Variants in ZMIZ1 observed in about 807,000 individuals in gnomAD.
ZMIZ1 encodes zinc finger MIZ-type containing 1, also known as zinc finger MIZ domain-containing protein 1.
ZMIZ1 carries 17 observed loss-of-function variants against 113.9 expected under a neutral mutation model. The observed-to-expected ratio is 0.15, with a 90% CI of 0.10 to 0.22. The LOEUF is 0.22. ZMIZ1 is among the 10% of genes least tolerant of loss of function. The probability of loss-of-function intolerance (pLI) is 1.00; values close to 1 mark genes in which losing one functional copy is unlikely to be tolerated. For synonymous variants in ZMIZ1, 607 were observed against 603.1 expected (o/e 1.01, Z -0.09); for missense variants, 1,059 against 1,477.8 (o/e 0.72, Z 4.65).
chr10:79,296,106 G>A lies in ZMIZ1; in HGVS notation c.1231-365G>A, dbSNP rs1288823880. 3.6e-6 allele frequency: 1 copy of A among 276,050 alleles called. No individual in the cohort carries two copies. Among genetic ancestry groups the A allele is most frequent in the Non-Finnish European group, 7.0e-6 (1 of 143,828 alleles). 17.1% of individuals were successfully genotyped at this position (276,050 alleles called of 1,614,324 possible). ...TGACTGTGTTCCTCTGTCACATTGGGGTACACATTGGGGAGCACAGCCCTA... is the reference window on the plus strand; with the variant it reads ...TGACTGTGTTCCTCTGTCACATTGGAGTACACATTGGGGAGCACAGCCCTA... On this transcript the variant is annotated intron_variant, in intron 12 of 24. Coordinates refer to ENST00000334512, the MANE Select transcript of ZMIZ1 (RefSeq NM_020338.4). The surrounding 1 kb of genome is among the most constrained non-coding windows in gnomAD (Gnocchi z 4.1).
rs1855416935 is a variant in ZMIZ1, at chr10:79,314,585, A to G, written c.*1836A>G. 8.1e-6 allele frequency: 2 copies of G among 246,510 alleles called. No homozygotes were observed. The highest frequency in any genetic ancestry group is 1.6e-5 in the Non-Finnish European group (2 of 123,392). 15.3% of individuals were successfully genotyped at this position (246,510 alleles called of 1,614,324 possible). A position where few individuals can be genotyped will look rare whatever the true frequency, so the allele number is the denominator to read the frequency against. ...TAAATATCTTTGTGAATATTTTAGT[A>G]TCGTCTTTGATAATATTCAACATTT... On this transcript the variant is annotated 3_prime_UTR_variant, in exon 25 of 25. Coordinates refer to ENST00000334512, the MANE Select transcript of ZMIZ1 (RefSeq NM_020338.4).
At chr10:79,193,886 G>A (rs984257721) in intron 4 of ZMIZ1, among the ~76,000 whole-genome samples, 5 of 152,190 alleles carry the variant, frequency 3.3e-5, no homozygotes, top group African/African-American at 9.7e-5. Context: ...GAGTAGTGAG[G>A]GCTAGGGGCC....
At chr10:79,254,464 C>T (rs1483263378) in intron 7 of ZMIZ1, among the ~76,000 whole-genome samples, 1 of 152,256 alleles carries the variant, frequency 6.6e-6, no homozygotes, top group Non-Finnish European at 1.5e-5. Context: ...TTGGCCCAGG[C>T]AGGGTCCCAT....
Position 79,118,397 on chromosome 10 carries a change from G to T in ZMIZ1, c.-336-518G>T, listed in dbSNP as rs1455466193. 6.6e-6 allele frequency among the ~76,000 whole-genome samples: 1 copy of T among 152,202 alleles called. No individual in the cohort carries two copies. Among genetic ancestry groups the T allele is most frequent in the African/African-American group, 2.4e-5 (1 of 41,446 alleles). On this transcript the variant is annotated intron_variant, in intron 1 of 24. Coordinates refer to ENST00000334512, the MANE Select transcript of ZMIZ1 (RefSeq NM_020338.4). The surrounding 1 kb of genome is among the most constrained non-coding windows in gnomAD (Gnocchi z 4.1). ...CCAATGTCCAGGAGCTGGGCCTGGA[G>T]CGGGAGAGTGTCCTGTGGGAAGCGG...
intron 8 of ZMIZ1, chr10:79,285,579 G>C (rs1167658373): frequency 1.1e-5 from 5 of 455,988 alleles, no homozygotes; most frequent in Non-Finnish European, 1.8e-5. Flanking sequence ...TCGGTCATCA[G>C]GCTTAACGAA....
Position 79,296,757 on chromosome 10 carries a change from A to G in ZMIZ1, c.1413+104A>G. On this transcript the variant is annotated intron_variant, in intron 13 of 24. Transcript: ENST00000334512. The surrounding 1 kb of genome is among the most constrained non-coding windows in gnomAD (Gnocchi z 4.1). ...TCTGACCCTGCGTGTGTTTGCCCCA[A>G]GGACAGCGAGGGGTGGGTGATTTCT... 1 of 1,175,534 alleles carries G rather than the reference A, an allele frequency of 8.5e-7. No individual in the cohort carries two copies. The highest frequency in any genetic ancestry group is 1.2e-6 in the Non-Finnish European group (1 of 858,914). 72.8% of individuals were successfully genotyped at this position (1,175,534 alleles called of 1,614,324 possible).
At chr10:79,120,809 T>C (rs1446367256) in intron 2 of ZMIZ1, among the ~76,000 whole-genome samples, 1 of 152,176 alleles carries the variant, frequency 6.6e-6, no homozygotes, top group Non-Finnish European at 1.5e-5. Context: ...CCCTGGGGCC[T>C]GGGTACTCTC....
chr10:79,092,050 C>T (rs1008892692), intron 1 of ZMIZ1, among the ~76,000 whole-genome samples: 3 of 152,104 alleles, frequency 2.0e-5, no homozygotes, highest in Non-Finnish European at 2.9e-5. Flanking sequence ...TTCCCACCAG[C>T]CCCGCTCCAT....
chr10:79,307,286 A>T, intron 22 of ZMIZ1, 119 bp from the exon 23 acceptor site: 1 of 1,033,330 alleles, frequency 9.7e-7, no homozygotes, highest in Non-Finnish European at 1.4e-6. Flanking sequence ...GCTGTGACCT[A>T]CTACAGCCTC....
intron 3 of ZMIZ1, among the ~76,000 whole-genome samples, chr10:79,147,847 C>G (rs1845555182): frequency 6.6e-6 from 1 of 152,270 alleles, no homozygotes; most frequent in African/African-American, 2.4e-5. Flanking sequence ...CCTGGGCTTC[C>G]AAAGCAAATG....
Position 79,315,887 on chromosome 10 carries a change from G to A in ZMIZ1, c.*3138G>A, listed in dbSNP as rs923339077. 4 of 152,286 alleles carry A rather than the reference G, an allele frequency of 2.6e-5. No homozygotes were observed. The highest frequency in any genetic ancestry group is 4.1e-4 in the South Asian group (2 of 4,822). 9.4% of individuals were successfully genotyped at this position (152,286 alleles called of 1,614,324 possible). A position where few individuals can be genotyped will look rare whatever the true frequency, so the allele number is the denominator to read the frequency against. On this transcript the variant is annotated 3_prime_UTR_variant, in exon 25 of 25. Coordinates refer to ENST00000334512, the MANE Select transcript of ZMIZ1 (RefSeq NM_020338.4). ...AAAAAAAAGCTTGGAACTCCATCACGTGGAAAAACTAGATCCTGTTGGTTA... is the reference window on the plus strand; with the variant it reads ...AAAAAAAAGCTTGGAACTCCATCACATGGAAAAACTAGATCCTGTTGGTTA...
intron 3 of ZMIZ1, among the ~76,000 whole-genome samples, chr10:79,159,684 G>A (rs1220093393): frequency 6.6e-6 from 1 of 152,196 alleles, no homozygotes; most frequent in East Asian, 1.9e-4. Context: ...TCCACAATAT[G>A]GACTCAATAC....
At chr10:79,132,970 TGGCCCCCTCGCA>T (rs1395212687) in intron 2 of ZMIZ1, among the ~76,000 whole-genome samples, 1 of 152,026 alleles carries the variant, frequency 6.6e-6, no homozygotes, top group East Asian at 1.9e-4. Context: ...CCTGTCGACC[TGGCCCCCTCGCA>T]GGCTCTGGGG....
chr10:79,143,124 C>T (rs1197003744), intron 3 of ZMIZ1, among the ~76,000 whole-genome samples: 2 of 152,160 alleles, frequency 1.3e-5, no homozygotes, highest in Non-Finnish European at 2.9e-5. Flanking sequence ...GGCCAGGCCC[C>T]GGGCTGGGTA....
intron 7 of ZMIZ1, among the ~76,000 whole-genome samples, chr10:79,272,476 G>A (rs570756861): frequency 6.6e-6 from 1 of 152,362 alleles, no homozygotes; most frequent in Admixed American, 6.5e-5. Context: ...GCCAGCTGAG[G>A]TCAGGAGAGA....
intron 7 of ZMIZ1, among the ~76,000 whole-genome samples, chr10:79,246,381 A>C (rs1467953613): frequency 6.6e-6 from 1 of 152,210 alleles, no homozygotes; most frequent in Non-Finnish European, 1.5e-5. Context: ...AGGAACAGAG[A>C]GTTCTGTGCT....
rs1364276185 is a variant in ZMIZ1, at chr10:79,290,762, C to T, written c.541-197C>T. On this transcript the variant is annotated intron_variant, in intron 9 of 24. Coordinates refer to ENST00000334512, the MANE Select transcript of ZMIZ1 (RefSeq NM_020338.4). ...ATCACAAGGCTGACGTTCTCATCCC[C>T]CACGCCACCTGCCGCCCAGGCCCGC... 7 of 720,184 alleles carry T rather than the reference C, an allele frequency of 9.7e-6. No homozygotes were observed. The East Asian group carries it at 1.9e-4, about 19-fold the overall frequency. The allele number at this position is 720,184 out of a possible 1,614,324, so 44.6% of individuals were successfully genotyped here.
intron 4 of ZMIZ1, among the ~76,000 whole-genome samples, chr10:79,171,114 G>A (rs1239274601): frequency 2.6e-5 from 4 of 152,192 alleles, no homozygotes; most frequent in Admixed American, 2.0e-4. Context: ...CGCACAGTGC[G>A]GTGAGCTCCA....
At chr10:79,302,248 T>C in intron 18 of ZMIZ1, 36 bp downstream of exon 18, 2 of 1,589,870 alleles carry the variant, frequency 1.3e-6, no homozygotes, top group Non-Finnish European at 1.7e-6. Context: ...AGGGCCAGAC[T>C]CCATCCCCGC....
Sources: gnomAD v4.1 joint callset for allele counts (sites outside exome capture counted in the v4.1 genomes callset) on GRCh38, gnomAD v4.1.1 for gene constraint, Gnocchi (gnomAD v3.1) non-coding constraint, MANE v1.5 for transcripts, NCBI Gene and HGNC (gene_info 2026-07-23, HGNC 2026-07-21) for gene names.